The following LARP1 variants were observed in gnomAD, a reference collection of about 807,000 sequenced individuals.
LARP1 encodes the protein la-related protein 1.
In LARP1, 36 loss-of-function variants were observed where a neutral mutation model predicts 122.7. That is an observed-to-expected ratio of 0.29 (90% CI 0.22 to 0.39). The LOEUF is 0.39. Ranked by LOEUF, LARP1 falls within the 10% of genes least tolerant of loss-of-function variation. LARP1 has a pLI of 1.00. For synonymous variants in LARP1, 539 were observed against 528.7 expected, an observed-to-expected ratio of 1.02 and a Z score of -0.27; for missense variants, 1,040 against 1,403.6, an observed-to-expected ratio of 0.74 and a Z score of 4.14.
chr5:154,770,141 G>A (rs1755281011), intron 1 of LARP1, among the ~76,000 whole-genome samples: 1 of 152,092 alleles, frequency 6.6e-6, no homozygotes, highest in African/African-American at 2.4e-5. Flanking sequence ...AGGCAAGGTG[G>A]AAGCAAGGAG....
intron 1 of LARP1, among the ~76,000 whole-genome samples, chr5:154,717,060 CAAA>C (rs35371808): frequency 2.4e-5 from 3 of 124,604 alleles, no homozygotes; most frequent in Non-Finnish European, 3.4e-5. Flanking sequence ...ACCCTGTCTC[CAAA>C]AAAAAAAAAA....
At chr5:154,740,907 G>T (rs556712049) in intron 1 of LARP1, among the ~76,000 whole-genome samples, 18 of 152,202 alleles carry the variant, frequency 1.2e-4, no homozygotes, top group Admixed American at 1.2e-3. Flanking sequence ...AGCCTTTCAG[G>T]TCAGGACAGT....
chr5:154,808,402 C>G, intron 15 of LARP1, 57 bp from the exon 16 acceptor site: 1 of 1,576,836 alleles, frequency 6.3e-7, no homozygotes, highest in South Asian at 1.2e-5. Flanking sequence ...TCCTTTCTCC[C>G]TGAAGCAAGG....
At chr5:154,754,978 C>T (rs1051145166), upstream of LARP1, among the ~76,000 whole-genome samples, 5 of 152,176 alleles carry the variant, frequency 3.3e-5, no homozygotes, top group African/African-American at 9.7e-5. Flanking sequence ...GTGGCCGGGT[C>T]CCATGTGCTC....
Position 154,801,933 on chromosome 5 carries a change from C to T in LARP1, c.1717-74C>T, listed in dbSNP as rs576051163. 5.9e-5 allele frequency: 85 copies of T among 1,432,302 alleles called. 1 individual carries two copies. Among genetic ancestry groups the T allele is most frequent in the Middle Eastern group, 2.6e-4 (1 of 3,870 alleles). 88.7% of individuals were successfully genotyped at this position (1,432,302 alleles called of 1,614,324 possible). A position where few individuals can be genotyped will look rare whatever the true frequency, so the allele number is the denominator to read the frequency against. The stretch of plus-strand genomic sequence containing the variant: ...TATGTTGAGAGGCTGGAGCTTCCCT[C>T]TCATGGTATAGCTACAGAATCTGGG... On this transcript the variant is annotated intron_variant, in intron 10 of 18. Transcript: ENST00000518297.
intron 1 of LARP1, among the ~76,000 whole-genome samples, chr5:154,717,175 G>A (rs980379234): frequency 2.6e-5 from 4 of 151,886 alleles, no homozygotes; most frequent in African/African-American, 9.7e-5. Context: ...GGCACTATAT[G>A]TCCACATTCT....
intron 1 of LARP1, among the ~76,000 whole-genome samples, chr5:154,684,965 G>A (rs756654049): frequency 6.6e-6 from 1 of 152,172 alleles, no homozygotes; most frequent in Admixed American, 6.5e-5. Context: ...GTACCCCTTG[G>A]CTGGGCGCGG....
At chr5:154,741,241 A>G (rs1390249290) in intron 1 of LARP1, among the ~76,000 whole-genome samples, 2 of 152,232 alleles carry the variant, frequency 1.3e-5, no homozygotes, top group Admixed American at 6.5e-5. Flanking sequence ...AAGGGCTCTC[A>G]GTAACACCTC....
intron 1 of LARP1, among the ~76,000 whole-genome samples, chr5:154,765,148 C>T (rs1178649276): frequency 6.6e-6 from 1 of 152,106 alleles, no homozygotes; most frequent in Non-Finnish European, 1.5e-5. Context: ...TCCACCTAAC[C>T]TCTGACCTCA....
intron 18 of LARP1, 23 bp downstream of exon 18, chr5:154,811,663 C>T (rs752795653): frequency 5.9e-5 from 95 of 1,613,630 alleles, no homozygotes; most frequent in Non-Finnish European, 7.8e-5. Context: ...CTTTCTCTAA[C>T]TCTGCTTGTC....
intron 1 of LARP1, among the ~76,000 whole-genome samples, chr5:154,781,593 CA>C (rs918795389): frequency 1.4e-5 from 2 of 142,710 alleles, no homozygotes; most frequent in East Asian, 4.1e-4. Flanking sequence ...GACTCCGTCT[CA>C]AAAAAAAGGA....
At chr5:154,698,213 C>G (rs1754557589) in intron 1 of LARP1, among the ~76,000 whole-genome samples, 1 of 152,128 alleles carries the variant, frequency 6.6e-6, no homozygotes, top group African/African-American at 2.4e-5. Context: ...ATCATCAAAT[C>G]AGGGTAATTA....
At chr5:154,805,839 C>T in intron 14 of LARP1, 42 bp from the exon 15 acceptor site, 1 of 1,597,108 alleles carries the variant, frequency 6.3e-7, no homozygotes. Flanking sequence ...GGTGGGGCTG[C>T]TGTGGGGAAC....
chr5:154,749,090 G>A (rs1426105278), intron 1 of LARP1, among the ~76,000 whole-genome samples: 2 of 152,208 alleles, frequency 1.3e-5, no homozygotes, highest in African/African-American at 4.8e-5. Flanking sequence ...GTTAGTTAGG[G>A]TCAGGCTGTG....
rs1451152531 is a variant in LARP1, at chr5:154,815,223, C to G, written c.*1127C>G. The stretch of plus-strand genomic sequence containing the variant: ...CGTGCCCAAGATATCCCTGCTGTTG[C>G]ATCGTTTGAAGCTGACGTCCTGTGT... On this transcript the variant is annotated 3_prime_UTR_variant, in exon 19 of 19. Coordinates refer to ENST00000518297, the MANE Select transcript of LARP1 (RefSeq NM_033551.3). 2.0e-5 allele frequency: 3 copies of G among 152,450 alleles called. No homozygotes were observed. The highest frequency in any genetic ancestry group is 4.4e-5 in the Non-Finnish European group (3 of 68,052). The allele number at this position is 152,450 out of a possible 1,614,324, so 9.4% of individuals were successfully genotyped here. A position where few individuals can be genotyped will look rare whatever the true frequency, so the allele number is the denominator to read the frequency against.
rs757782683 is a variant in LARP1 at position 154,789,219 on chromosome 5, C to CTTTTT, written c.437-1090_437-1086dup. 2.5e-4 allele frequency among the ~76,000 whole-genome samples: 23 copies of CTTTTT among 91,372 alleles called. 1 individual carries two copies. Among genetic ancestry groups the CTTTTT allele is most frequent in the Non-Finnish European group, 3.0e-4 (15 of 49,992 alleles). 59.9% of individuals were successfully genotyped at this position (91,372 alleles called of 152,430 possible). On this transcript the variant is annotated intron_variant, in intron 1 of 18. Transcript: ENST00000518297. ...GAGCGAGACTCTGTCTCAAAACAAA[C>CTTTTT]TTTTTTTTTTTTTTTTTTTTGAGAC...
chr5:154,727,490 G>A (rs1481726946), intron 1 of LARP1, among the ~76,000 whole-genome samples: 2 of 152,138 alleles, frequency 1.3e-5, no homozygotes, highest in Non-Finnish European at 1.5e-5. Flanking sequence ...GTGTAGGGTA[G>A]TTGTGGGGGA....
At chr5:154,691,226 C>A (rs919306581) in intron 1 of LARP1, among the ~76,000 whole-genome samples, 45 of 151,014 alleles carry the variant, frequency 3.0e-4, no homozygotes, top group Non-Finnish European at 4.1e-4. Context: ...CGCGCCACTG[C>A]CCTCCAGCCT....
In LARP1 at chr5:154,799,636, C is replaced by T; in HGVS notation, c.1423C>T (p.Arg475Cys). Residue 475 changes from arginine (R) to cysteine (C), a missense_variant, in exon 9 of 19, where the codon CGT becomes TGT. Around this residue, in one of 8 missense-constraint regions of LARP1, gnomAD observed 362 missense variants for 533.1 expected, o/e 0.68. Coordinates refer to ENST00000518297, the MANE Select transcript of LARP1 (RefSeq NM_033551.3). The stretch of plus-strand genomic sequence containing the variant: ...GGTGGAGATCGTTGATGAGAAAGTT[C>T]GTAGGAGGGAGGAACCAGAAAAGTG... ...KVVEIVDEKV[R>C]RREEPEKWPL... 2 of 1,614,102 alleles carry T rather than the reference C, an allele frequency of 1.2e-6. No individual in the cohort carries two copies. The highest frequency in any genetic ancestry group is 1.7e-6 in the Non-Finnish European group (2 of 1,180,014).
Sources: gnomAD v4.1 joint callset for allele counts (sites outside exome capture counted in the v4.1 genomes callset) on GRCh38, gnomAD v4.1.1 for gene constraint, gnomAD v4.1.1 regional missense constraint, MANE v1.5 for transcripts, NCBI Gene and HGNC (gene_info 2026-07-23, HGNC 2026-07-21) for gene names.